The following AGBL4 variants were observed in gnomAD, a reference collection of about 807,000 sequenced individuals.
The protein encoded by AGBL4 is cytosolic carboxypeptidase 6.
A neutral mutation model predicts 66.4 loss-of-function variants in AGBL4; 58 were observed. The ratio of observed to expected loss-of-function variants is 0.87; its 90% CI spans 0.71 to 1.09. The LOEUF is 1.09. AGBL4 is among the 50% of genes least tolerant of loss of function. The probability of loss-of-function intolerance (pLI) is 0.00; values close to 1 mark genes in which losing one functional copy is unlikely to be tolerated. For missense variants in AGBL4, 579 were observed against 631.0 expected, an observed-to-expected ratio of 0.92 and a Z score of 0.88; for synonymous variants, 234 against 222.9, an observed-to-expected ratio of 1.05 and a Z score of -0.44.
intron 5 of AGBL4, among the ~76,000 whole-genome samples, chr1:48,983,535 T>TG (rs1396250271): frequency 6.6e-6 from 1 of 152,086 alleles, no homozygotes; most frequent in Non-Finnish European, 1.5e-5. Flanking sequence ...AGCAAAATTA[T>TG]GGGGGAAAAA....
chr1:48,738,324 T>C (rs796972469), intron 6 of AGBL4, among the ~76,000 whole-genome samples: 1 of 152,226 alleles, frequency 6.6e-6, no homozygotes, highest in Non-Finnish European at 1.5e-5. Context: ...TAGATCCACC[T>C]GGCCTCTCTG....
intron 4 of AGBL4, among the ~76,000 whole-genome samples, chr1:49,105,456 C>T (rs1301710940): frequency 6.6e-6 from 1 of 152,068 alleles, no homozygotes; most frequent in African/African-American, 2.4e-5. Flanking sequence ...AGACAGCGTA[C>T]CTAACATTAC....
chr1:49,388,446 T>C (rs1034397562), intron 3 of AGBL4, among the ~76,000 whole-genome samples: 3 of 152,136 alleles, frequency 2.0e-5, no homozygotes, highest in African/African-American at 7.2e-5. Context: ...TTACTTATAA[T>C]AGTTCATCTT....
chr1:49,894,566 A>T (rs1299969872), intron 1 of AGBL4, among the ~76,000 whole-genome samples: 2 of 152,202 alleles, frequency 1.3e-5, no homozygotes, highest in East Asian at 1.9e-4. Flanking sequence ...AAAGAGATTA[A>T]AATAATTAAA....
chr1:49,216,332 T>C (rs1298174550), intron 4 of AGBL4, among the ~76,000 whole-genome samples: 1 of 152,042 alleles, frequency 6.6e-6, no homozygotes, highest in Non-Finnish European at 1.5e-5. Context: ...TATGCTAAGG[T>C]TTGGGATATG....
intron 6 of AGBL4, among the ~76,000 whole-genome samples, chr1:48,687,865 T>C (rs1646560219): frequency 6.6e-6 from 1 of 152,248 alleles, no homozygotes; most frequent in South Asian, 2.1e-4. Flanking sequence ...CTGAAGTTTC[T>C]GCTCAAGCAT....
intron 3 of AGBL4, among the ~76,000 whole-genome samples, chr1:49,305,309 T>C (rs1397094803): frequency 1.3e-5 from 2 of 152,206 alleles, no homozygotes; most frequent in African/African-American, 4.8e-5. Context: ...ATTACAGTCA[T>C]CCCTTGGTAT....
chr1:49,683,836 A>G (rs1646741054), intron 3 of AGBL4, among the ~76,000 whole-genome samples: 1 of 152,220 alleles, frequency 6.6e-6, no homozygotes, highest in Non-Finnish European at 1.5e-5. Context: ...TAGGACTGCA[A>G]AAAGAGGATA....
chr1:49,492,321 G>A (rs1392334049), intron 3 of AGBL4, among the ~76,000 whole-genome samples: 1 of 151,894 alleles, frequency 6.6e-6, no homozygotes, highest in Non-Finnish European at 1.5e-5. Flanking sequence ...TGGAAAAATG[G>A]GCTGATTGAT....
At chr1:49,559,695 G>C (rs985033627) in intron 3 of AGBL4, among the ~76,000 whole-genome samples, 7 of 152,088 alleles carry the variant, frequency 4.6e-5, no homozygotes, top group African/African-American at 1.7e-4. Context: ...TTCAGCTTTT[G>C]GAGTCTTGAA....
At chr1:48,962,232 G>A (rs1658061305) in intron 5 of AGBL4, among the ~76,000 whole-genome samples, 1 of 152,120 alleles carries the variant, frequency 6.6e-6, no homozygotes, top group Non-Finnish European at 1.5e-5. Context: ...TGTGATGTTG[G>A]CACATTACTT....
intron 1 of AGBL4, among the ~76,000 whole-genome samples, chr1:49,920,978 A>T (rs1652168834): frequency 6.6e-6 from 1 of 152,188 alleles, no homozygotes; most frequent in Admixed American, 6.5e-5. Flanking sequence ...TTCTCAGCAA[A>T]CTATCGCAAG....
intron 4 of AGBL4, among the ~76,000 whole-genome samples, chr1:49,221,558 T>C (rs1649497506): frequency 6.6e-6 from 1 of 152,220 alleles, no homozygotes; most frequent in Non-Finnish European, 1.5e-5. Flanking sequence ...GAACTTCTCT[T>C]GCATAATATT....
intron 4 of AGBL4, among the ~76,000 whole-genome samples, chr1:49,083,836 C>A (rs528421537): frequency 2.6e-5 from 4 of 152,296 alleles, no homozygotes; most frequent in Non-Finnish European, 5.9e-5. Context: ...TTTGTGAATA[C>A]ATAAAACTGA....
chr1:49,757,632 G>T (rs986148716), intron 2 of AGBL4, among the ~76,000 whole-genome samples: 5 of 152,182 alleles, frequency 3.3e-5, no homozygotes, highest in African/African-American at 1.2e-4. Context: ...ACCTTCTTGA[G>T]AAATGGAGCA....
At chr1:49,121,744 T>C (rs1286747522) in intron 4 of AGBL4, among the ~76,000 whole-genome samples, 5 of 152,234 alleles carry the variant, frequency 3.3e-5, no homozygotes, top group Admixed American at 3.3e-4. Context: ...TCTTCAGAGC[T>C]GTCAGACATG....
In AGBL4 at chr1:50,023,859, G is replaced by A. The variant is rs1229449693; in HGVS notation, c.-63C>T. ...CGCGGGGCAGTAGGGAGCGGGTGGTGGGATCAGTGGGCTGACAGGAGCTAC... is the reference window on the plus strand; with the variant it reads ...CGCGGGGCAGTAGGGAGCGGGTGGTAGGATCAGTGGGCTGACAGGAGCTAC... On this transcript the variant is annotated 5_prime_UTR_variant, in exon 1 of 14. Coordinates refer to ENST00000371839, the MANE Select transcript of AGBL4 (RefSeq NM_032785.4). 5 of 1,516,762 alleles carry A rather than the reference G, an allele frequency of 3.3e-6. No homozygotes were observed. The highest frequency in any genetic ancestry group is 4.4e-6 in the Non-Finnish European group (5 of 1,126,178). 94.0% of individuals were successfully genotyped at this position (1,516,762 alleles called of 1,614,324 possible). A position where few individuals can be genotyped will look rare whatever the true frequency, so the allele number is the denominator to read the frequency against.
intron 1 of AGBL4, among the ~76,000 whole-genome samples, chr1:49,874,936 T>A (rs905611193): frequency 7.4e-5 from 11 of 148,874 alleles, no homozygotes; most frequent in Non-Finnish European, 1.5e-4. Context: ...TAACTTGTCA[T>A]CTAGCATTAG....
chr1:48,596,270 G>A (rs1644992729), intron 9 of AGBL4, among the ~76,000 whole-genome samples: 1 of 152,154 alleles, frequency 6.6e-6, no homozygotes, highest in African/African-American at 2.4e-5. Flanking sequence ...GGGGATCTGT[G>A]ACTGAGATTA....
Sources: gnomAD v4.1 joint callset for allele counts (sites outside exome capture counted in the v4.1 genomes callset) on GRCh38, gnomAD v4.1.1 for gene constraint, MANE v1.5 for transcripts, NCBI Gene and HGNC (gene_info 2026-07-23, HGNC 2026-07-21) for gene names.